Variants in PLCG2 observed in about 807,000 individuals in gnomAD.
PLCG2 encodes phospholipase C gamma 2, also known as 1-phosphatidylinositol 4,5-bisphosphate phosphodiesterase gamma-2.
PLCG2 carries 69 observed loss-of-function variants against 175.6 expected under a neutral mutation model. That is an observed-to-expected ratio of 0.39 (90% CI 0.32 to 0.48). The LOEUF (loss-of-function observed/expected upper bound fraction) is 0.48, where lower values mean the gene tolerates loss of function less well. Ranked by LOEUF, PLCG2 falls within the 20% of genes least tolerant of loss-of-function variation. The pLI, the probability that PLCG2 is intolerant of heterozygous loss-of-function variation, is 0.91. For missense variants in PLCG2, 1,798 were observed against 1,650.9 expected (o/e 1.09, Z -1.54); for synonymous variants, 827 against 624.0 (o/e 1.33, Z -4.85).
intron 10 of PLCG2, among the ~76,000 whole-genome samples, chr16:81,889,843 A>G (rs542321724): frequency 2.6e-5 from 4 of 152,054 alleles, no homozygotes; most frequent in Non-Finnish European, 5.9e-5. Flanking sequence ...TTTTTAGTAG[A>G]CAGGGTTTCA....
intron 1 of PLCG2, among the ~76,000 whole-genome samples, chr16:81,781,413 G>GTTT (rs71146046): frequency 0.013 from 1,923 of 150,278 alleles, 43 homozygotes; most frequent in African/African-American, 0.043. Context: ...GTTGTTTTCT[G>GTTT]TTTTTTTTTC....
At chr16:81,863,441 A>G (rs1360821459) in intron 5 of PLCG2, among the ~76,000 whole-genome samples, 4 of 152,226 alleles carry the variant, frequency 2.6e-5, no homozygotes, top group Non-Finnish European at 2.9e-5. Context: ...TTGCTTATCT[A>G]CTTCTCCATC....
In PLCG2 at chr16:81,917,411, G is replaced by A. The variant is rs140199639; in HGVS notation, c.2055-2073G>A. On this transcript the variant is annotated intron_variant, in intron 19 of 32. Transcript: ENST00000564138. ...ATTTCCTTTCCTTCAGATATATACCGAGAAGTGGGATTGCTAGATCCCATG... is the reference window on the plus strand; with the variant it reads ...ATTTCCTTTCCTTCAGATATATACCAAGAAGTGGGATTGCTAGATCCCATG... Among the ~76,000 whole-genome samples, 178 of 152,074 alleles carry A rather than the reference G, an allele frequency of 1.2e-3. 3 individuals are homozygous for A. The highest frequency in any genetic ancestry group is 4.1e-3 in the African/African-American group (169 of 41,468).
At chr16:81,778,557 T>A (rs1910562734), upstream of PLCG2, among the ~76,000 whole-genome samples, 2 of 152,188 alleles carry the variant, frequency 1.3e-5, no homozygotes, top group South Asian at 4.1e-4. Context: ...AAAGAACATA[T>A]TAGCTTCTTC....
At chr16:81,876,533 G>C (rs1907797953) in intron 7 of PLCG2, among the ~76,000 whole-genome samples, 1 of 152,122 alleles carries the variant, frequency 6.6e-6, no homozygotes, top group Non-Finnish European at 1.5e-5. Context: ...CCCTTCTCTT[G>C]TCCAGCTGGT....
chr16:81,786,939 T>C (rs997710183), intron 2 of PLCG2, among the ~76,000 whole-genome samples: 1 of 152,246 alleles, frequency 6.6e-6, no homozygotes, highest in Non-Finnish European at 1.5e-5. Context: ...CCAGTTACTT[T>C]TATCTTCCAA....
chr16:81,920,503 G>T (rs1240539892), intron 20 of PLCG2, among the ~76,000 whole-genome samples: 3 of 152,180 alleles, frequency 2.0e-5, no homozygotes, highest in African/African-American at 4.8e-5. Flanking sequence ...ACTACCTTAG[G>T]CTGTGGGAGT....
intron 5 of PLCG2, among the ~76,000 whole-genome samples, chr16:81,860,234 C>T (rs55678733): frequency 0.16 from 22,971 of 139,974 alleles, 2,102 homozygotes; most frequent in Non-Finnish European, 0.22. Context: ...AAAAAGCAAA[C>T]GCAGTTTTGG....
At chr16:81,889,321 T>A (rs749896989) in intron 10 of PLCG2, 48 bp downstream of exon 10, 1 of 989,012 alleles carries the variant, frequency 1.0e-6, no homozygotes, top group Non-Finnish European at 1.6e-6. Context: ...TTTTGATTGA[T>A]GTCTGTGCTT....
intron 2 of PLCG2, among the ~76,000 whole-genome samples, chr16:81,837,685 T>TG (rs1491443244): frequency 9.0e-6 from 1 of 111,256 alleles, no homozygotes; most frequent in African/African-American, 3.3e-5. Context: ...CCAACATGTG[T>TG]TTTTTTTTTT....
chr16:81,768,691 G>A (rs1429721248), intron 2 of PLCG2, among the ~76,000 whole-genome samples: 3 of 150,206 alleles, frequency 2.0e-5, no homozygotes, highest in Non-Finnish European at 3.0e-5. Context: ...TCAGCCTTCC[G>A]AGTAGCTGGG....
chr16:81,751,536 T>C (rs1567693207), intron 1 of PLCG2, among the ~76,000 whole-genome samples: 1 of 152,154 alleles, frequency 6.6e-6, no homozygotes, highest in Admixed American at 6.5e-5. Flanking sequence ...TATGGGTTTT[T>C]TTTGAGACCT....
At chr16:81,937,178 G>T (rs1910751359) in intron 27 of PLCG2, among the ~76,000 whole-genome samples, 1 of 152,196 alleles carries the variant, frequency 6.6e-6, no homozygotes, top group African/African-American at 2.4e-5. Context: ...CGTGGGCGGG[G>T]ATGCAAATAG....
At chr16:81,744,589 A>G (rs889919660) in intron 1 of PLCG2, among the ~76,000 whole-genome samples, 1 of 96,270 alleles carries the variant, frequency 1.0e-5, no homozygotes, top group African/African-American at 2.9e-5. Context: ...TGGGGATGAT[A>G]AGGAGGCAAG....
chr16:81,876,308 C>A (rs1207713711), intron 7 of PLCG2, among the ~76,000 whole-genome samples: 2 of 152,174 alleles, frequency 1.3e-5, no homozygotes, highest in African/African-American at 2.4e-5. Flanking sequence ...TAGACATGAG[C>A]CACTGTGCCT....
intron 7 of PLCG2, among the ~76,000 whole-genome samples, chr16:81,875,672 G>A (rs1292140164): frequency 6.6e-6 from 1 of 152,144 alleles, no homozygotes; most frequent in South Asian, 2.1e-4. Context: ...ACCTGGCTAC[G>A]TGACTGCTAC....
At chr16:81,779,166 A>C (rs3935647), upstream of PLCG2, 2 of 151,834 alleles carry the variant, frequency 1.3e-5, no homozygotes, top group Non-Finnish European at 2.9e-5. Flanking sequence ...GGGACGCTGC[A>C]CTCGGGGTGC....
intron 21 of PLCG2, among the ~76,000 whole-genome samples, chr16:81,922,978 G>C (rs888530283): frequency 4.0e-5 from 6 of 151,550 alleles, no homozygotes; most frequent in African/African-American, 7.3e-5. Flanking sequence ...GTGTAGATAG[G>C]GGACTGCTGA....
rs560144689 is a variant in PLCG2 at position 81,829,315 on chromosome 16, G to A, written c.194-25129G>A. The stretch of plus-strand genomic sequence containing the variant: ...GTAGAGATGGGATTTCACCCTGTTG[G>A]TCAGGCTGGCCTTGAACTCCTGACT... On this transcript the variant is annotated intron_variant, in intron 2 of 32. Coordinates refer to ENST00000564138, the MANE Select transcript of PLCG2 (RefSeq NM_002661.5). Among the ~76,000 whole-genome samples the A allele has an allele frequency of 2.6e-5, 4 of 152,280 alleles. No homozygotes were observed. In the East Asian group the frequency reaches 5.8e-4, roughly 22 times the overall value.
Sources: gnomAD v4.1 joint callset for allele counts (sites outside exome capture counted in the v4.1 genomes callset) on GRCh38, gnomAD v4.1.1 for gene constraint, MANE v1.5 for transcripts, NCBI Gene and HGNC (gene_info 2026-07-23, HGNC 2026-07-21) for gene names.